Variants in KCNH5 observed in about 807,000 individuals in gnomAD.
KCNH5 encodes potassium voltage-gated channel subfamily H member 5.
In KCNH5, 46 loss-of-function variants were observed where a neutral mutation model predicts 96.1. The ratio of observed to expected loss-of-function variants is 0.48; its 90% CI spans 0.38 to 0.61. KCNH5 has a LOEUF of 0.61. KCNH5 is among the 20% of genes least tolerant of loss of function. KCNH5 has a pLI of 0.00. For missense variants in KCNH5, 907 were observed against 1,225.8 expected, an observed-to-expected ratio of 0.74 and a Z score of 3.88; for synonymous variants, 439 against 449.8, an observed-to-expected ratio of 0.98 and a Z score of 0.30.
At chr14:62,976,691 C>T (rs1890506687) in intron 6 of KCNH5, among the ~76,000 whole-genome samples, 2 of 152,080 alleles carry the variant, frequency 1.3e-5, no homozygotes, top group African/African-American at 4.8e-5. Context: ...AAATAGGTCA[C>T]ATGTAAAGGA....
intron 8 of KCNH5, among the ~76,000 whole-genome samples, chr14:62,812,632 C>T (rs1208404218): frequency 6.6e-6 from 1 of 151,944 alleles, no homozygotes; most frequent in African/African-American, 2.4e-5. Flanking sequence ...ATAAATTAAA[C>T]CAAAATCCTC....
chr14:62,913,609 C>T lies in KCNH5; in HGVS notation c.1369+36524G>A, dbSNP rs148062772. Among the ~76,000 whole-genome samples, 288 of 152,094 alleles carry T rather than the reference C, an allele frequency of 1.9e-3. 6 individuals are homozygous for T. The highest frequency in any genetic ancestry group is 6.7e-3 in the African/African-American group (277 of 41,462). ...CAATGGTTTGTTTAATTAGTAGGGA[C>T]CCCTTCTAAATTCAATTAGTATAGC... On this transcript the variant is annotated intron_variant, in intron 7 of 10. Coordinates refer to ENST00000322893, the MANE Select transcript of KCNH5 (RefSeq NM_139318.5).
chr14:62,896,600 T>A (rs1888818488), intron 7 of KCNH5, among the ~76,000 whole-genome samples: 1 of 152,188 alleles, frequency 6.6e-6, no homozygotes, highest in Non-Finnish European at 1.5e-5. Context: ...GCACATGTTG[T>A]CCATCCAGCA....
chr14:63,037,917 T>C (rs758070884), intron 1 of KCNH5, among the ~76,000 whole-genome samples: 3 of 152,180 alleles, frequency 2.0e-5, no homozygotes, highest in Non-Finnish European at 4.4e-5. Context: ...TCTACAAATT[T>C]TTAAGCAGTT....
chr14:62,833,094 C>T (rs1430856943), intron 8 of KCNH5, among the ~76,000 whole-genome samples: 6 of 151,656 alleles, frequency 4.0e-5, no homozygotes, highest in African/African-American at 7.3e-5. Flanking sequence ...TTAATTGTTT[C>T]GTTGGTCCTA....
chr14:62,892,888 T>C (rs1312914045), intron 7 of KCNH5, among the ~76,000 whole-genome samples: 1 of 152,164 alleles, frequency 6.6e-6, no homozygotes, highest in Non-Finnish European at 1.5e-5. Flanking sequence ...AAAAGGGTGC[T>C]TCTCTCTGAC....
chr14:62,781,363 G>C (rs981645065), intron 9 of KCNH5, among the ~76,000 whole-genome samples: 2 of 152,180 alleles, frequency 1.3e-5, no homozygotes, highest in African/African-American at 4.8e-5. Context: ...TGCTAATGAA[G>C]TTTCAGACAC....
chr14:62,925,911 T>C (rs1225983838), intron 7 of KCNH5, among the ~76,000 whole-genome samples: 1 of 152,056 alleles, frequency 6.6e-6, no homozygotes, highest in Non-Finnish European at 1.5e-5. Context: ...CAGATAAAAG[T>C]CCTTACAGTG....
chr14:62,707,461 T>C lies in KCNH5; in HGVS notation c.*47A>G. On this transcript the variant is annotated 3_prime_UTR_variant, in exon 11 of 11. Coordinates refer to ENST00000322893, the MANE Select transcript of KCNH5 (RefSeq NM_139318.5). ...TATGTATATACTGTATATACACACA[T>C]ATGTATATACTGTTTTAATATATTA... 1 of 966,080 alleles carries C rather than the reference T, an allele frequency of 1.0e-6. No individual in the cohort carries two copies. The highest frequency in any genetic ancestry group is 1.4e-6 in the Non-Finnish European group (1 of 715,406). The allele number at this position is 966,080 out of a possible 1,614,324, so 59.8% of individuals were successfully genotyped here.
At chr14:62,712,680 T>TCACC in intron 10 of KCNH5, 1 of 778,780 alleles carries the variant, frequency 1.3e-6, no homozygotes, top group Non-Finnish European at 2.4e-6. Context: ...ACCCAGCAGG[T>TCACC]CACCCTTCAC....
chr14:63,016,340 A>G (rs1232817562), intron 2 of KCNH5, among the ~76,000 whole-genome samples: 3 of 152,110 alleles, frequency 2.0e-5, no homozygotes, highest in East Asian at 3.8e-4. Context: ...TCTGTTGTAC[A>G]TGAGTCAAAC....
At chr14:62,960,167 T>C (rs1179118022) in intron 6 of KCNH5, among the ~76,000 whole-genome samples, 1 of 152,212 alleles carries the variant, frequency 6.6e-6, no homozygotes, top group African/African-American at 2.4e-5. Context: ...TATAATTCTT[T>C]CTTGCCCATT....
intron 10 of KCNH5, among the ~76,000 whole-genome samples, chr14:62,772,211 CT>C (rs199727225): frequency 0.013 from 1,957 of 150,962 alleles, 34 homozygotes; most frequent in African/African-American, 0.042. Context: ...CCTTCCCTTC[CT>C]TTTTTTTTGA....
In KCNH5 at chr14:62,909,032, A is replaced by ATTTTT. The variant is rs58920666; in HGVS notation, c.1369+41096_1369+41100dup. Reference sequence around the variant, plus strand: ...AAACATAGAAAACACTATGCTACGTATTTTTTTTTTTTTTTTTTTTTTTTT... The same window carrying ATTTTT: ...AAACATAGAAAACACTATGCTACGTATTTTTTTTTTTTTTTTTTTTTTTTTTTTTT... On this transcript the variant is annotated intron_variant, in intron 7 of 10. Coordinates refer to ENST00000322893, the MANE Select transcript of KCNH5 (RefSeq NM_139318.5). Among the ~76,000 whole-genome samples, 51 of 57,926 alleles carry ATTTTT rather than the reference A, an allele frequency of 8.8e-4. 4 individuals carry two copies. The highest frequency in any genetic ancestry group is 1.2e-3 in the Admixed American group (4 of 3,452). 38.0% of individuals were successfully genotyped at this position (57,926 alleles called of 152,430 possible).
chr14:62,709,211 C>A (rs1035059100), intron 10 of KCNH5, among the ~76,000 whole-genome samples: 27 of 111,096 alleles, frequency 2.4e-4, no homozygotes, highest in Non-Finnish European at 4.3e-4. Flanking sequence ...CCCGCCTGGG[C>A]GACAGAACGA....
At chr14:62,838,111 C>T (rs1227809044) in intron 8 of KCNH5, among the ~76,000 whole-genome samples, 1 of 152,180 alleles carries the variant, frequency 6.6e-6, no homozygotes, top group East Asian at 1.9e-4. Context: ...ACTAATATTT[C>T]TCACTAACTC....
chr14:62,873,922 TG>T (rs746064477), intron 7 of KCNH5, among the ~76,000 whole-genome samples: 52 of 152,206 alleles, frequency 3.4e-4, no homozygotes, highest in Non-Finnish European at 6.9e-4. Flanking sequence ...TTTTTAATTA[TG>T]ATCCCAGGCT....
chr14:62,770,275 AT>A (rs1162479864), intron 10 of KCNH5, among the ~76,000 whole-genome samples: 1 of 152,224 alleles, frequency 6.6e-6, no homozygotes, highest in East Asian at 1.9e-4. Context: ...TTTACAAAAG[AT>A]CATTGCTACT....
chr14:62,968,290 C>CCG (rs1890340586), intron 6 of KCNH5, among the ~76,000 whole-genome samples: 1 of 152,092 alleles, frequency 6.6e-6, no homozygotes, highest in Admixed American at 6.6e-5. Context: ...TTATTTACAC[C>CCG]TGCAAATAGT....
Sources: allele counts gnomAD v4.1 joint callset (sites outside exome capture counted in the v4.1 genomes callset), GRCh38; gene constraint gnomAD v4.1.1; transcripts MANE v1.5; gene names NCBI Gene and HGNC (gene_info 2026-07-23, HGNC 2026-07-21).